TANC2: variants seen among roughly 807,000 people sequenced by gnomAD.
The protein encoded by TANC2 is tetratricopeptide repeat, ankyrin repeat and coiled-coil containing 2, also known as protein TANC2.
A neutral mutation model predicts 210.5 loss-of-function variants in TANC2; 26 were observed. That is an observed-to-expected ratio of 0.12 (90% confidence interval 0.09 to 0.17). TANC2 has a LOEUF of 0.17. Among genes scored for constraint, TANC2 ranks in the 10% least tolerant of loss-of-function variants. The probability of loss-of-function intolerance (pLI) is 1.00; values close to 1 mark genes in which losing one functional copy is unlikely to be tolerated. For missense variants in TANC2, 2,129 were observed against 2,608.9 expected (o/e 0.82, Z 4.01); for synonymous variants, 931 against 967.1 (o/e 0.96, Z 0.69).
intron 14 of TANC2, among the ~76,000 whole-genome samples, chr17:63,366,499 TA>T (rs896895806): frequency 1.3e-5 from 2 of 152,194 alleles, no homozygotes; most frequent in Non-Finnish European, 2.9e-5. Flanking sequence ...AGTGGAGTCA[TA>T]GCTCTTCTGC....
rs373961923 is a variant in TANC2 at position 63,267,799 on chromosome 17, A to G, written c.1085A>G (p.His362Arg). Residue 362 changes from histidine to arginine, a missense_variant, in exon 9 of 28, where the codon CAT (histidine) becomes CGT (arginine). His to Arg is a conservative substitution (Grantham distance 29). Coordinates refer to ENST00000689528, the Ensembl canonical transcript of TANC2. ...CTTGCTTACCTGGATGAGCAGAGAC[A>G]TACACCTTTGAGAACTTCTCTACGA... 8.1e-6 allele frequency: 13 copies of G among 1,613,140 alleles called. No individual in the cohort carries two copies. The African/African-American group carries it at 1.1e-4, about 13-fold the overall frequency.
At chr17:63,230,837 G>A (rs1363241700) in intron 7 of TANC2, among the ~76,000 whole-genome samples, 1 of 152,146 alleles carries the variant, frequency 6.6e-6, no homozygotes, top group Non-Finnish European at 1.5e-5. Flanking sequence ...TTTCTGTCTT[G>A]ATTATCTGTC....
chr17:63,362,201 ACATG>A (rs2046982293), intron 14 of TANC2, among the ~76,000 whole-genome samples: 1 of 152,144 alleles, frequency 6.6e-6, no homozygotes, highest in Admixed American at 6.5e-5. Flanking sequence ...GGGAGAGGAG[ACATG>A]GAGTGGGTAG....
At chr17:63,220,822 G>T (rs1402352184) in intron 7 of TANC2, among the ~76,000 whole-genome samples, 1 of 147,032 alleles carries the variant, frequency 6.8e-6, no homozygotes, top group South Asian at 2.1e-4. Flanking sequence ...GTATATATAC[G>T]TGTATATGTA....
At chr17:63,038,074 G>T (rs2035044385) in intron 2 of TANC2, among the ~76,000 whole-genome samples, 1 of 152,248 alleles carries the variant, frequency 6.6e-6, no homozygotes, top group East Asian at 1.9e-4. Flanking sequence ...TAAGAGTCGG[G>T]GGAGTGGTAT....
intron 5 of TANC2, among the ~76,000 whole-genome samples, chr17:63,184,812 C>T (rs1451795711): frequency 1.3e-5 from 2 of 151,986 alleles, no homozygotes; most frequent in Non-Finnish European, 2.9e-5. Flanking sequence ...TGCCACCACA[C>T]CCGGCTAAAT....
intron 7 of TANC2, among the ~76,000 whole-genome samples, chr17:63,203,758 A>C (rs1159210866): frequency 6.6e-6 from 1 of 152,162 alleles, no homozygotes; most frequent in African/African-American, 2.4e-5. Context: ...AGAGCAGGGA[A>C]TTGGAAGTGG....
chr17:63,063,898 G>A (rs1023604780), intron 2 of TANC2, among the ~76,000 whole-genome samples: 3 of 152,076 alleles, frequency 2.0e-5, no homozygotes, highest in Non-Finnish European at 2.9e-5. Context: ...TAACTAAGGT[G>A]TCTTCCATCA....
At chr17:63,040,659 A>G (rs1019452179) in intron 2 of TANC2, among the ~76,000 whole-genome samples, 1 of 152,162 alleles carries the variant, frequency 6.6e-6, no homozygotes, top group Non-Finnish European at 1.5e-5. Flanking sequence ...ATGTTTTTGA[A>G]TATTTGAGTT....
intron 5 of TANC2, among the ~76,000 whole-genome samples, chr17:63,158,953 C>A (rs1410930289): frequency 6.6e-6 from 1 of 152,152 alleles, no homozygotes; most frequent in East Asian, 1.9e-4. Flanking sequence ...GGCTTCTATT[C>A]CTCACTGGTT....
At chr17:63,256,227 C>T (rs1262215421) in intron 8 of TANC2, among the ~76,000 whole-genome samples, 1 of 152,088 alleles carries the variant, frequency 6.6e-6, no homozygotes, top group African/African-American at 2.4e-5. Context: ...TTTATGTAGG[C>T]ACTTATTGCT....
chr17:63,050,416 T>C (rs1568344968), intron 2 of TANC2, among the ~76,000 whole-genome samples: 2 of 150,384 alleles, frequency 1.3e-5, no homozygotes, highest in Non-Finnish European at 3.0e-5. Context: ...TCCATAAATA[T>C]GAACTTCATG....
chr17:63,403,630 T>C (rs534372013), intron 19 of TANC2, among the ~76,000 whole-genome samples: 3 of 152,318 alleles, frequency 2.0e-5, no homozygotes, highest in African/African-American at 7.2e-5. Context: ...TCACCTCAGA[T>C]AGGACCATGC....
chr17:63,358,810 C>T (rs551029415), intron 14 of TANC2, among the ~76,000 whole-genome samples: 20 of 152,256 alleles, frequency 1.3e-4, no homozygotes, highest in Non-Finnish European at 1.9e-4. Context: ...AGTAGACAGT[C>T]GGAGCTACCA....
intron 7 of TANC2, among the ~76,000 whole-genome samples, chr17:63,203,585 A>T (rs1051137947): frequency 2.6e-5 from 4 of 152,208 alleles, no homozygotes; most frequent in Non-Finnish European, 5.9e-5. Flanking sequence ...TGATTAGTGT[A>T]GAGGTTCTGC....
chr17:63,090,443 A>G (rs1004604527), intron 3 of TANC2, among the ~76,000 whole-genome samples: 5 of 151,926 alleles, frequency 3.3e-5, no homozygotes, highest in African/African-American at 9.7e-5. Flanking sequence ...GTTCCCACCT[A>G]TGAGTGAGAA....
intron 12 of TANC2, among the ~76,000 whole-genome samples, chr17:63,348,626 CTTT>C (rs947558854): frequency 4.0e-5 from 6 of 151,806 alleles, no homozygotes; most frequent in African/African-American, 1.5e-4. Flanking sequence ...TGTTAAAATC[CTTT>C]TTATTCTATG....
intron 8 of TANC2, among the ~76,000 whole-genome samples, chr17:63,266,389 G>A (rs1268320366): frequency 6.6e-6 from 1 of 151,878 alleles, no homozygotes; most frequent in African/African-American, 2.4e-5. Flanking sequence ...TGTTATATTT[G>A]TTAAATGAAT....
intron 1 of TANC2, among the ~76,000 whole-genome samples, chr17:63,002,301 G>A (rs920327781): frequency 6.6e-6 from 1 of 152,156 alleles, no homozygotes; most frequent in African/African-American, 2.4e-5. Context: ...TGGAGAAGTG[G>A]GGGAGCATCT....
Sources: allele counts gnomAD v4.1 joint callset (sites outside exome capture counted in the v4.1 genomes callset), GRCh38; gene constraint gnomAD v4.1.1; transcripts MANE v1.5; gene names NCBI Gene and HGNC (gene_info 2026-07-23, HGNC 2026-07-21).